The following PRKG1 variants were observed in gnomAD, a reference collection of about 807,000 sequenced individuals.
The protein encoded by PRKG1 is cGMP-dependent protein kinase 1.
Under a neutral mutation model 88.1 loss-of-function variants are expected in PRKG1, and 35 were observed. That is an observed-to-expected ratio of 0.40 (90% CI 0.30 to 0.53). The LOEUF (loss-of-function observed/expected upper bound fraction) is 0.53. PRKG1 is among the 20% of genes least tolerant of loss of function. The pLI is 0.59. For missense variants in PRKG1, 540 were observed against 839.8 expected (o/e 0.64, Z 4.41); for synonymous variants, 303 against 292.5 (o/e 1.04, Z -0.37).
At chr10:51,907,076 A>T (rs989575537) in intron 4 of PRKG1, among the ~76,000 whole-genome samples, 16 of 152,174 alleles carry the variant, frequency 1.1e-4, no homozygotes, top group African/African-American at 3.9e-4. Context: ...ATAATGAGGC[A>T]TGTCCAATCC....
At chr10:51,450,353 T>C (rs1839398467) in intron 2 of PRKG1, among the ~76,000 whole-genome samples, 1 of 152,034 alleles carries the variant, frequency 6.6e-6, no homozygotes, top group Non-Finnish European at 1.5e-5. Flanking sequence ...GTTTTCATCT[T>C]TTATAATTGG....
chr10:51,488,543 G>T (rs1412393109), intron 3 of PRKG1, among the ~76,000 whole-genome samples: 1 of 152,070 alleles, frequency 6.6e-6, no homozygotes, highest in African/African-American at 2.4e-5. Context: ...AGTAGACTTT[G>T]ACATCTATAT....
At chr10:51,875,310 GA>G (rs36009989) in intron 4 of PRKG1, among the ~76,000 whole-genome samples, 43,843 of 143,962 alleles carry the variant, frequency 0.3, 6,823 homozygotes, top group Middle Eastern at 0.34. Flanking sequence ...AAGCTTTAAT[GA>G]AAAAAAAAAA....
At chr10:51,441,297 T>C (rs924950663) in intron 2 of PRKG1, among the ~76,000 whole-genome samples, 8 of 152,020 alleles carry the variant, frequency 5.3e-5, no homozygotes, top group African/African-American at 1.9e-4. Context: ...TGTGAACTTA[T>C]CAAAGAGAAA....
chr10:52,106,705 AAATAATAATAATAATAAT>A (rs57109678), intron 7 of PRKG1, among the ~76,000 whole-genome samples: 16 of 140,038 alleles, frequency 1.1e-4, no homozygotes, highest in East Asian at 8.5e-4. Context: ...CTCTGTCCCA[AAATAATAATAATAATAAT>A]AATAATAATA....
chr10:51,177,655 C>G (rs572622013), intron 2 of PRKG1, among the ~76,000 whole-genome samples: 3 of 152,020 alleles, frequency 2.0e-5, no homozygotes. Flanking sequence ...TATTCCAACT[C>G]TATGGAAATG....
intron 2 of PRKG1, among the ~76,000 whole-genome samples, chr10:51,419,503 T>A (rs1279237776): frequency 6.6e-6 from 1 of 152,170 alleles, no homozygotes; most frequent in Non-Finnish European, 1.5e-5. Context: ...AATTTTTTCC[T>A]GGGAGGAAAA....
At chr10:51,136,407 C>A (rs1845686501) in intron 1 of PRKG1, among the ~76,000 whole-genome samples, 1 of 151,800 alleles carries the variant, frequency 6.6e-6, no homozygotes, top group Non-Finnish European at 1.5e-5. Flanking sequence ...TCATCCTCAG[C>A]TTATAGATAG....
intron 10 of PRKG1, among the ~76,000 whole-genome samples, chr10:52,265,412 T>C (rs1841546894): frequency 6.6e-6 from 1 of 152,142 alleles, no homozygotes; most frequent in Non-Finnish European, 1.5e-5. Flanking sequence ...ACAGTGTAGT[T>C]CAGGAAGTAA....
At chr10:51,633,869 C>T (rs10733849) in intron 3 of PRKG1, among the ~76,000 whole-genome samples, 119,991 of 152,054 alleles carry the variant, frequency 0.79, 48,568 homozygotes, top group South Asian at 0.9. Context: ...TGGTTGTCAA[C>T]TGATGACCCC....
At chr10:51,753,894 C>G (rs145131485) in intron 3 of PRKG1, among the ~76,000 whole-genome samples, 91 of 152,094 alleles carry the variant, frequency 6.0e-4, no homozygotes, top group Middle Eastern at 6.8e-3. Context: ...CATGAACATT[C>G]TTTTTGTTTT....
At chr10:51,079,135 T>C (rs1844042544) in intron 1 of PRKG1, among the ~76,000 whole-genome samples, 1 of 152,186 alleles carries the variant, frequency 6.6e-6, no homozygotes. Flanking sequence ...GTGCCCTACA[T>C]CTCAGTTCAA....
In PRKG1 at chr10:51,578,980, G is replaced by GTTTTTTTTT. The variant is rs752412264; in HGVS notation, c.592+111164_592+111172dup. 2.1e-4 allele frequency among the ~76,000 whole-genome samples: 16 copies of GTTTTTTTTT among 77,832 alleles called. 1 individual carries two copies. Among genetic ancestry groups the GTTTTTTTTT allele is most frequent in the African/African-American group, 6.9e-4 (13 of 18,902 alleles). The allele number at this position is 77,832 out of a possible 152,430, so 51.1% of individuals were successfully genotyped here. ...GAAGAGTTTGGAATAAGTTCTGTTG[G>GTTTTTTTTT]TTTTTTTTTTTTTTTTTTTTTTTTT... On this transcript the variant is annotated intron_variant, in intron 3 of 17. Transcript: ENST00000373980.
At chr10:51,414,577 G>C (rs1838187728) in intron 2 of PRKG1, among the ~76,000 whole-genome samples, 1 of 152,132 alleles carries the variant, frequency 6.6e-6, no homozygotes. Context: ...CTCTAAATCT[G>C]TTTAGCAGCT....
chr10:51,529,538 AAT>A (rs1841963777), intron 3 of PRKG1, among the ~76,000 whole-genome samples: 2 of 152,080 alleles, frequency 1.3e-5, no homozygotes, highest in Admixed American at 6.6e-5. Flanking sequence ...AATCCTTGGT[AAT>A]ATACTTGCCT....
intron 2 of PRKG1, among the ~76,000 whole-genome samples, chr10:51,455,042 A>G (rs958208556): frequency 6.6e-6 from 1 of 152,214 alleles, no homozygotes; most frequent in Non-Finnish European, 1.5e-5. Flanking sequence ...ATGCATTCCC[A>G]TACATCCTCT....
intron 2 of PRKG1, among the ~76,000 whole-genome samples, chr10:51,448,929 A>G (rs939016681): frequency 6.6e-6 from 1 of 152,046 alleles, no homozygotes; most frequent in Admixed American, 6.6e-5. Flanking sequence ...GTTTATTTTG[A>G]TGTTATAAAA....
intron 9 of PRKG1, among the ~76,000 whole-genome samples, chr10:52,170,812 A>G (rs958356941): frequency 3.9e-5 from 6 of 152,210 alleles, no homozygotes; most frequent in African/African-American, 1.4e-4. Context: ...ATGTTCTCTC[A>G]TTACATTTCA....
chr10:52,148,721 C>T (rs1288991423), intron 8 of PRKG1, among the ~76,000 whole-genome samples: 3 of 151,960 alleles, frequency 2.0e-5, no homozygotes, highest in Non-Finnish European at 4.4e-5. Flanking sequence ...GGGAAGAAGG[C>T]GAGCAGGACC....
Sources: gnomAD v4.1 joint callset for allele counts (sites outside exome capture counted in the v4.1 genomes callset) on GRCh38, gnomAD v4.1.1 for gene constraint, MANE v1.5 for transcripts, NCBI Gene and HGNC (gene_info 2026-07-23, HGNC 2026-07-21) for gene names.